The following PCDH9 variants were observed in gnomAD, a reference collection of about 807,000 sequenced individuals.
The protein encoded by PCDH9 is protocadherin-9.
In PCDH9, 24 loss-of-function variants were observed where a neutral mutation model predicts 70.6. The ratio of observed to expected loss-of-function variants is 0.34; its 90% confidence interval spans 0.25 to 0.48. PCDH9 has a LOEUF of 0.48. Among genes scored for constraint, PCDH9 ranks in the 20% least tolerant of loss-of-function variants. The pLI, the probability that PCDH9 is intolerant of heterozygous loss-of-function variation, is 0.99. For synonymous variants in PCDH9, 562 were observed against 558.5 expected, an observed-to-expected ratio of 1.01 and a Z score of -0.09; for missense variants, 1,281 against 1,503.6, an observed-to-expected ratio of 0.85 and a Z score of 2.45.
chr13:66,772,023 T>C (rs1274622532), intron 3 of PCDH9, among the ~76,000 whole-genome samples: 1 of 152,208 alleles, frequency 6.6e-6, no homozygotes, highest in Non-Finnish European at 1.5e-5. Flanking sequence ...TAACCATAAT[T>C]AAAATTTCAC....
intron 4 of PCDH9, among the ~76,000 whole-genome samples, chr13:66,320,577 AC>A (rs1955735986): frequency 1.3e-5 from 2 of 152,024 alleles, no homozygotes; most frequent in African/African-American, 4.8e-5. Flanking sequence ...TGTCTGAAAC[AC>A]TCCCAAATGT....
At chr13:67,207,349 CG>C (rs1239010441) in intron 2 of PCDH9, 1 of 152,036 alleles carries the variant, frequency 6.6e-6, no homozygotes, top group African/African-American at 2.4e-5. Flanking sequence ...GGGTTGGAAC[CG>C]TAAACTATTC....
At chr13:67,011,705 CCTATTTGGAGTGAGT>C (rs2084454901) in intron 2 of PCDH9, among the ~76,000 whole-genome samples, 2 of 151,928 alleles carry the variant, frequency 1.3e-5, no homozygotes, top group Admixed American at 1.3e-4. Flanking sequence ...GATTAAATAA[CCTATTTGGAGTGAGT>C]CATGCATGAT....
At chr13:67,077,629 G>A (rs776305719) in intron 2 of PCDH9, among the ~76,000 whole-genome samples, 4 of 152,012 alleles carry the variant, frequency 2.6e-5, no homozygotes, top group South Asian at 2.1e-4. Flanking sequence ...ATGAATAAAC[G>A]GATGACATCA....
chr13:66,523,052 T>G (rs1566389659), intron 4 of PCDH9, among the ~76,000 whole-genome samples: 1 of 152,090 alleles, frequency 6.6e-6, no homozygotes, highest in Non-Finnish European at 1.5e-5. Context: ...TGCAGGGTGT[T>G]GCTTCAAAAT....
intron 2 of PCDH9, among the ~76,000 whole-genome samples, chr13:67,024,445 T>C (rs914310941): frequency 2.6e-5 from 4 of 152,182 alleles, no homozygotes; most frequent in African/African-American, 9.6e-5. Context: ...CCAGTTATTA[T>C]ATTTAGCTAT....
intron 4 of PCDH9, among the ~76,000 whole-genome samples, chr13:66,416,217 A>G (rs1044662437): frequency 2.0e-5 from 3 of 152,104 alleles, no homozygotes; most frequent in African/African-American, 4.8e-5. Context: ...TTCTCCTTCA[A>G]TGATAGCAAT....
intron 2 of PCDH9, among the ~76,000 whole-genome samples, chr13:66,944,057 G>C: frequency 6.6e-6 from 1 of 151,982 alleles, no homozygotes; most frequent in East Asian, 1.9e-4. Flanking sequence ...ATAATGATTA[G>C]TAAATAACTT....
chr13:67,162,774 T>C (rs767739955), intron 2 of PCDH9, among the ~76,000 whole-genome samples: 5 of 151,976 alleles, frequency 3.3e-5, no homozygotes, highest in Non-Finnish European at 5.9e-5. Context: ...TAAGTAATAA[T>C]GTATTCAGAA....
chr13:66,711,521 A>G (rs2078793651), intron 3 of PCDH9, among the ~76,000 whole-genome samples: 1 of 140,414 alleles, frequency 7.1e-6, no homozygotes, highest in South Asian at 2.4e-4. Flanking sequence ...CGCTATCACT[A>G]AGTGCCAAAA....
intron 3 of PCDH9, among the ~76,000 whole-genome samples, chr13:66,818,715 G>A (rs948242916): frequency 1.3e-4 from 20 of 151,980 alleles, no homozygotes; most frequent in Non-Finnish European, 2.6e-4. Context: ...GGCGGATCAC[G>A]AGGTCAGGAG....
intron 3 of PCDH9, chr13:66,886,029 C>T (rs531967691): frequency 6.6e-6 from 1 of 152,122 alleles, no homozygotes; most frequent in Non-Finnish European, 1.5e-5. Flanking sequence ...AAAGCTTTAA[C>T]CATGGATCGA....
chr13:66,576,691 C>T (rs1197478083), intron 4 of PCDH9, among the ~76,000 whole-genome samples: 1 of 151,982 alleles, frequency 6.6e-6, no homozygotes, highest in African/African-American at 2.4e-5. Flanking sequence ...TGGGGAAAAC[C>T]TAAAGGGACA....
chr13:66,471,701 T>C (rs950375949), intron 4 of PCDH9, among the ~76,000 whole-genome samples: 1 of 152,170 alleles, frequency 6.6e-6, no homozygotes, highest in Non-Finnish European at 1.5e-5. Context: ...AGAGGCTAAG[T>C]AGCTTGCTCA....
chr13:66,859,161 T>G (rs902380558), intron 3 of PCDH9: 1 of 152,340 alleles, frequency 6.6e-6, no homozygotes, highest in Admixed American at 6.5e-5. Flanking sequence ...ATGGCTGTCA[T>G]GTTAGTTTAC....
chr13:66,933,345 T>C (rs1369000331), intron 2 of PCDH9, among the ~76,000 whole-genome samples: 1 of 152,170 alleles, frequency 6.6e-6, no homozygotes. Context: ...AATTTCTCAA[T>C]TTCTCAGCTG....
chr13:66,827,937 C>A (rs1157371527), intron 3 of PCDH9, among the ~76,000 whole-genome samples: 3 of 151,978 alleles, frequency 2.0e-5, no homozygotes, highest in Non-Finnish European at 4.4e-5. Flanking sequence ...TCTTAAAATG[C>A]ATTAATTAAA....
intron 4 of PCDH9, among the ~76,000 whole-genome samples, chr13:66,520,260 G>A (rs1464650335): frequency 6.6e-6 from 1 of 152,148 alleles, no homozygotes; most frequent in Non-Finnish European, 1.5e-5. Context: ...TGGATTAAAT[G>A]TGCATACAAT....
rs767336340 is a variant in PCDH9 at position 67,226,205 on chromosome 13, C to T, written c.2236G>A (p.Val746Met). The T allele has an allele frequency of 9.3e-6, 15 of 1,614,030 alleles. No homozygotes were observed. The African/African-American group carries it at 1.2e-4, about 13-fold the overall frequency. Residue 746 changes from valine to methionine, a missense_variant, in exon 2 of 5, where the codon GTG becomes ATG. This residue lies in a region of PCDH9 where 798 missense variants were observed against 1,003.1 expected (regional missense o/e 0.80). Coordinates refer to ENST00000377865, the MANE Select transcript of PCDH9 (RefSeq NM_203487.3). This position sits in a 1 kb window ranked among gnomAD's most constrained non-coding sequence, Gnocchi z 5.0. The stretch of plus-strand genomic sequence containing the variant: ...TTGACCACCAAACGATGCAATCCCA[C>T]ATCAGTAGGTGCTGGTTTTTCTTCC... ...TLEEKPAPTD[V>M]GLHRLVVNIS... is the part of the protein sequence containing the mutation.
Sources: gnomAD v4.1 joint callset for allele counts (sites outside exome capture counted in the v4.1 genomes callset) on GRCh38, gnomAD v4.1.1 for gene constraint, gnomAD v4.1.1 regional missense constraint, Gnocchi (gnomAD v3.1) non-coding constraint, MANE v1.5 for transcripts, NCBI Gene and HGNC (gene_info 2026-07-23, HGNC 2026-07-21) for gene names.